Variants in DYM observed in about 807,000 individuals in gnomAD.
DYM encodes the protein dymeclin.
A neutral mutation model predicts 93.1 loss-of-function variants in DYM; 78 were observed. That is an observed-to-expected ratio of 0.84 (90% CI 0.70 to 1.01). The LOEUF is 1.01. DYM is among the 50% of genes least tolerant of loss of function. The pLI, the probability that DYM is intolerant of heterozygous loss-of-function variation, is 0.00. For synonymous variants in DYM, 321 were observed against 319.7 expected (o/e 1.00, Z -0.04); for missense variants, 789 against 845.0 (o/e 0.93, Z 0.82).
At chr18:49,379,479 G>C (rs770095267) in intron 4 of DYM, among the ~76,000 whole-genome samples, 186 bp downstream of exon 4, 1 of 152,050 alleles carries the variant, frequency 6.6e-6, no homozygotes, top group Non-Finnish European at 1.5e-5. Flanking sequence ...TCAGATTCCC[G>C]AATCTATAAT....
chr18:49,379,750 T>G lies in DYM; in HGVS notation c.202A>C (p.Asn68His), dbSNP rs1213188714. The G allele has an allele frequency of 1.2e-6, 2 of 1,611,922 alleles. No individual in the cohort carries two copies. The highest frequency in any genetic ancestry group is 1.7e-6 in the Non-Finnish European group (2 of 1,178,250). ...ISVCRSLVEN[N>H]PRTGNLGALI... ...GCACCAAGATTTCCTGTTCGAGGAT[T>G]GTTTTCAACTGCAAGAGAAGAAAAG... The change falls in exon 4 of 18, where the codon AAT becomes CAT. Residue 68 changes from asparagine (N) to histidine (H), a missense_variant. Transcript: ENST00000675505.
intron 15 of DYM, among the ~76,000 whole-genome samples, chr18:49,120,508 C>G (rs2082289642): frequency 6.6e-6 from 1 of 152,124 alleles, no homozygotes; most frequent in African/African-American, 2.4e-5. Flanking sequence ...ATGCTCAAGT[C>G]CCTTATACAA....
intron 1 of DYM, among the ~76,000 whole-genome samples, chr18:49,441,446 T>C (rs1457464822): frequency 1.5e-5 from 2 of 137,142 alleles, no homozygotes; most frequent in Non-Finnish European, 3.0e-5. Context: ...AAACAGGAGA[T>C]CAGAGAAATA....
At chr18:49,070,980 G>C (rs1292774316) in intron 17 of DYM, among the ~76,000 whole-genome samples, 1 of 152,176 alleles carries the variant, frequency 6.6e-6, no homozygotes, top group African/African-American at 2.4e-5. Context: ...AATAGGGACT[G>C]TTAGCAATGA....
At chr18:49,188,546 G>A (rs2090667305) in intron 14 of DYM, among the ~76,000 whole-genome samples, 1 of 152,126 alleles carries the variant, frequency 6.6e-6, no homozygotes, top group African/African-American at 2.4e-5. Flanking sequence ...GTAGGGACAT[G>A]GATGAAGCTG....
chr18:49,421,726 G>A (rs1441046481), intron 2 of DYM, among the ~76,000 whole-genome samples: 9 of 152,146 alleles, frequency 5.9e-5, no homozygotes, highest in African/African-American at 9.7e-5. Context: ...GAGGATGTTC[G>A]AAACCATCGC....
intron 15 of DYM, among the ~76,000 whole-genome samples, chr18:49,145,108 CATAT>C (rs56212722): frequency 1.1e-3 from 21 of 18,754 alleles, no homozygotes; most frequent in South Asian, 4.7e-3. Context: ...CAAAAAAATT[CATAT>C]ATATATATAT....
At chr18:49,195,946 C>G (rs11872567) in intron 14 of DYM, among the ~76,000 whole-genome samples, 3 of 125,980 alleles carry the variant, frequency 2.4e-5, no homozygotes, top group African/African-American at 3.3e-5. Context: ...TTTTTTGAGA[C>G]GGAGCCTCGC....
chr18:49,104,877 T>C (rs1404241868), intron 16 of DYM, among the ~76,000 whole-genome samples: 2 of 152,214 alleles, frequency 1.3e-5, no homozygotes, highest in Admixed American at 6.5e-5. Flanking sequence ...TCTCTTTTTT[T>C]GTTGTGTCTC....
In DYM at chr18:49,379,770, GA is replaced by G; in HGVS notation, c.194-13del. Reference sequence around the variant, plus strand: ...AGGATTGTTTTCAACTGCAAGAGAAGAAAAGGTTTTAAAAAGTTAAATTTAA... The same window carrying G: ...AGGATTGTTTTCAACTGCAAGAGAAGAAAGGTTTTAAAAAGTTAAATTTAA... On this transcript the variant is annotated splice_polypyrimidine_tract_variant and intron_variant, in intron 3 of 17. Coordinates refer to ENST00000675505, the MANE Select transcript of DYM (RefSeq NM_001353214.3). 1 of 1,601,328 alleles carries G rather than the reference GA, an allele frequency of 6.2e-7. No homozygotes were observed. The highest frequency in any genetic ancestry group is 8.6e-7 in the Non-Finnish European group (1 of 1,168,910).
chr18:49,226,739 G>A (rs148180272), intron 13 of DYM, among the ~76,000 whole-genome samples: 1 of 152,040 alleles, frequency 6.6e-6, no homozygotes, highest in African/African-American at 2.4e-5. Flanking sequence ...ATGTCATTAT[G>A]TTCCTCTTTG....
intron 2 of DYM, among the ~76,000 whole-genome samples, chr18:49,424,235 G>A (rs1052620497): frequency 6.6e-6 from 1 of 152,106 alleles, no homozygotes; most frequent in Non-Finnish European, 1.5e-5. Context: ...ATGCAAGGCT[G>A]GTTCAACATA....
intron 1 of DYM, among the ~76,000 whole-genome samples, chr18:49,448,525 T>A: frequency 6.6e-6 from 1 of 152,196 alleles, no homozygotes; most frequent in East Asian, 1.9e-4. Context: ...TACAGCCACT[T>A]GGGTGAGCAT....
intron 6 of DYM, among the ~76,000 whole-genome samples, chr18:49,341,392 T>C (rs2064113977): frequency 1.4e-5 from 2 of 146,420 alleles, no homozygotes; most frequent in Admixed American, 1.4e-4. Flanking sequence ...CTCAGGAAGC[T>C]GAGGCAGGGG....
At chr18:49,255,383 A>C (rs945388888) in intron 13 of DYM, among the ~76,000 whole-genome samples, 1 of 151,972 alleles carries the variant, frequency 6.6e-6, no homozygotes, top group Non-Finnish European at 1.5e-5. Flanking sequence ...GTCTTTAAAA[A>C]AACAAGAAAA....
intron 2 of DYM, among the ~76,000 whole-genome samples, chr18:49,415,820 G>A (rs1267430159): frequency 1.3e-5 from 2 of 151,916 alleles, no homozygotes; most frequent in East Asian, 3.9e-4. Context: ...CCAGCTACTT[G>A]GGAGGGTGAG....
chr18:49,299,230 G>T (rs73443884), intron 8 of DYM, among the ~76,000 whole-genome samples: 3,831 of 152,242 alleles, frequency 0.025, 152 homozygotes, highest in African/African-American at 0.086. Context: ...AATCTCAGAA[G>T]ATCAAGGACT....
At chr18:49,396,914 G>A (rs2070168248) in intron 2 of DYM, among the ~76,000 whole-genome samples, 1 of 152,126 alleles carries the variant, frequency 6.6e-6, no homozygotes, top group Admixed American at 6.5e-5. Context: ...AGGCTGGGTA[G>A]GACAGGCAGG....
chr18:49,254,325 T>TATATATATATATATACAC (rs1279388698), intron 13 of DYM, among the ~76,000 whole-genome samples: 9 of 138,670 alleles, frequency 6.5e-5, no homozygotes, highest in African/African-American at 2.5e-4. Context: ...TATATATATA[T>TATATATATATATATACAC]ACACACATAG....
Sources: gnomAD v4.1 joint callset for allele counts (sites outside exome capture counted in the v4.1 genomes callset) on GRCh38, gnomAD v4.1.1 for gene constraint, MANE v1.5 for transcripts, NCBI Gene and HGNC (gene_info 2026-07-23, HGNC 2026-07-21) for gene names.